The following SLC26A5 variants were observed in gnomAD, a reference collection of about 807,000 sequenced individuals.
The protein encoded by SLC26A5 is solute carrier family 26 member 5.
SLC26A5 carries 51 observed loss-of-function variants against 81.0 expected under a neutral mutation model. The observed-to-expected ratio is 0.63, with a 90% CI of 0.50 to 0.80. The LOEUF (loss-of-function observed/expected upper bound fraction) is 0.80, where lower values mean the gene tolerates loss of function less well. Ranked by LOEUF, SLC26A5 falls within the 30% of genes least tolerant of loss-of-function variation. The pLI, the probability that SLC26A5 is intolerant of heterozygous loss-of-function variation, is 0.00. For synonymous variants in SLC26A5, 325 were observed against 332.8 expected, an observed-to-expected ratio of 0.98 and a Z score of 0.25; for missense variants, 771 against 905.8, an observed-to-expected ratio of 0.85 and a Z score of 1.91.
chr7:103,392,872 G>A (rs779463217), intron 10 of SLC26A5, 47 bp downstream of exon 10: 10 of 1,610,598 alleles, frequency 6.2e-6, no homozygotes, highest in Non-Finnish European at 8.5e-6. Flanking sequence ...CCAGACATTG[G>A]TGATTGTACT....
chr7:103,392,592 T>G (rs553370965), intron 10 of SLC26A5, among the ~76,000 whole-genome samples: 22 of 152,338 alleles, frequency 1.4e-4, no homozygotes, highest in African/African-American at 4.6e-4. Context: ...TTTATTTTTT[T>G]TCTGAGGCAG....
At chr7:103,388,439 G>C (rs1480773597) in intron 14 of SLC26A5, 3 of 172,254 alleles carry the variant, frequency 1.7e-5, no homozygotes, top group Non-Finnish European at 2.5e-5. Context: ...GACCTCAAGT[G>C]TTCCGCCTGC....
chr7:103,401,881 C>A (rs1051316812), intron 8 of SLC26A5, among the ~76,000 whole-genome samples: 1 of 152,182 alleles, frequency 6.6e-6, no homozygotes, highest in Non-Finnish European at 1.5e-5. Context: ...TATGTTGAAC[C>A]AGCCTTGCAT....
chr7:103,373,237 G>C (rs1478513765), downstream of SLC26A5, among the ~76,000 whole-genome samples: 1 of 152,094 alleles, frequency 6.6e-6, no homozygotes, highest in Non-Finnish European at 1.5e-5. Context: ...AATCTAACTG[G>C]ATGATCAGAC....
downstream of SLC26A5, among the ~76,000 whole-genome samples, chr7:103,371,011 GC>G (rs1226486645): frequency 6.6e-6 from 1 of 152,150 alleles, no homozygotes; most frequent in African/African-American, 2.4e-5. Flanking sequence ...AGCTATTAAG[GC>G]CCAGAAAGAA....
chr7:103,379,231 C>G lies in SLC26A5; in HGVS notation c.1677+12G>C. The G allele has an allele frequency of 6.3e-7, 1 of 1,586,576 alleles. No homozygotes were observed. The highest frequency in any genetic ancestry group is 8.7e-7 in the Non-Finnish European group (1 of 1,155,156). Reference sequence around the variant, plus strand: ...TCCCATCCTCAGAAATAATCAATTTCTCATGACTCACCTTTCGTTTTAATG... The same window carrying G: ...TCCCATCCTCAGAAATAATCAATTTGTCATGACTCACCTTTCGTTTTAATG... On this transcript the variant is annotated intron_variant, in intron 16 of 19. Transcript: ENST00000306312.
In SLC26A5 at chr7:103,407,864, A is replaced by G; in HGVS notation, c.875T>C (p.Leu292Ser). ...AAGGTGACTTACCGCAAAGAACTCT[A>G]AAGGAATAGGCGCCGGCAATTTCTC... ...FKEKLPAPIP[L>S]EFFAVVMGTG... The change falls in exon 8 of 20, where the codon TTA becomes TCA. Residue 292 changes from leucine (L) to serine (S), a missense_variant. Leu to Ser is a moderately radical substitution (Grantham distance 145). Coordinates refer to ENST00000306312, the MANE Select transcript of SLC26A5 (RefSeq NM_198999.3). 1 of 1,614,114 alleles carries G rather than the reference A, an allele frequency of 6.2e-7. No individual in the cohort carries two copies.
intron 2 of SLC26A5, among the ~76,000 whole-genome samples, chr7:103,425,196 A>C (rs1352660668): frequency 6.6e-6 from 1 of 152,182 alleles, no homozygotes; most frequent in Admixed American, 6.6e-5. Context: ...CTTCTATTTC[A>C]TTAAGCAGAG....
At chr7:103,402,650 C>T (rs1006336365) in intron 8 of SLC26A5, among the ~76,000 whole-genome samples, 3 of 152,092 alleles carry the variant, frequency 2.0e-5, no homozygotes, top group African/African-American at 7.2e-5. Flanking sequence ...TTGCCTGCCT[C>T]GGCCTCCCAA....
At chr7:103,430,622 T>C (rs182499183) in intron 2 of SLC26A5, among the ~76,000 whole-genome samples, 19 of 78,824 alleles carry the variant, frequency 2.4e-4, no homozygotes, top group Middle Eastern at 7.1e-3. Context: ...GATACTGGAT[T>C]TGAAGTGGCT....
Position 103,367,279 on chromosome 7 carries a change from G to C in SLC26A5, c.2041+9529C>G. On this transcript the variant is annotated intron_variant, in intron 19 of 19. Transcript: ENST00000339444. The surrounding 1 kb of genome is among the most constrained non-coding windows in gnomAD (Gnocchi z 6.1). Reference sequence around the variant, plus strand: ...TTATATAAAGCAAGCTGTTCTTACAGGATTTGCTTCAAAGTGGGATGTCAC... The same window carrying C: ...TTATATAAAGCAAGCTGTTCTTACACGATTTGCTTCAAAGTGGGATGTCAC... The C allele has an allele frequency of 1.4e-6, 1 of 692,842 alleles. No individual in the cohort carries two copies. The highest frequency in any genetic ancestry group is 1.8e-5 in the South Asian group (1 of 54,272). 42.9% of individuals were successfully genotyped at this position (692,842 alleles called of 1,614,324 possible).
Position 103,374,322 on chromosome 7 carries a change from A to G in SLC26A5, c.*77T>C. ...TATTCACCCTTAGAAAAAAAAATCT[A>G]GCGTCTAGTATTTAAAACGTGTAAA... On this transcript the variant is annotated 3_prime_UTR_variant, in exon 20 of 20. Transcript: ENST00000306312. 4.4e-6 allele frequency: 7 copies of G among 1,576,280 alleles called. No homozygotes were observed. The highest frequency in any genetic ancestry group is 6.0e-6 in the Non-Finnish European group (7 of 1,162,132).
intron 19 of SLC26A5, chr7:103,361,863 C>A (rs1820434113): frequency 1.6e-6 from 2 of 1,252,876 alleles, no homozygotes; most frequent in Non-Finnish European, 1.1e-6. Flanking sequence ...TAGTTTATAC[C>A]TGTATATTGC....
chr7:103,413,939 G>C (rs1365765918), intron 4 of SLC26A5, among the ~76,000 whole-genome samples: 1 of 150,542 alleles, frequency 6.6e-6, no homozygotes, highest in East Asian at 2.0e-4. Flanking sequence ...TCCCCCACCA[G>C]AGTGGCACAT....
At chr7:103,366,331 G>A (rs1351243615) in intron 19 of SLC26A5, among the ~76,000 whole-genome samples, 1 of 152,122 alleles carries the variant, frequency 6.6e-6, no homozygotes, top group Non-Finnish European at 1.5e-5. Flanking sequence ...AACTATAAAG[G>A]CAAGAAGACA....
intron 19 of SLC26A5, chr7:103,354,863 C>T (rs762489538): frequency 1.2e-6 from 2 of 1,601,046 alleles, no homozygotes; most frequent in Non-Finnish European, 1.7e-6. Context: ...ACCTTCATCA[C>T]CTAGGGTCAG....
chr7:103,403,627 C>T (rs899627873), intron 8 of SLC26A5, among the ~76,000 whole-genome samples: 1 of 151,468 alleles, frequency 6.6e-6, no homozygotes, highest in Non-Finnish European at 1.5e-5. Context: ...TTATGTAATG[C>T]CCTTGTCTTT....
rs10549297 is a variant in SLC26A5, at chr7:103,393,567, C to CTGTG, written c.972-505_972-502dup. ...AGGACTCTGAGTGTGCTACCTCTTCCTGTGTGTGTGTGTGTGTGTGTGTGT... is the reference window on the plus strand; with the variant it reads ...AGGACTCTGAGTGTGCTACCTCTTCCTGTGTGTGTGTGTGTGTGTGTGTGTGTGT... On this transcript the variant is annotated intron_variant, in intron 9 of 19. Transcript: ENST00000306312. 2.5e-3 allele frequency among the ~76,000 whole-genome samples: 367 copies of CTGTG among 147,876 alleles called. 1 individual carries two copies. Among genetic ancestry groups the CTGTG allele is most frequent in the African/African-American group, 8.6e-3 (349 of 40,382 alleles).
intron 4 of SLC26A5, among the ~76,000 whole-genome samples, chr7:103,420,175 A>G (rs1026890262): frequency 1.3e-5 from 2 of 152,170 alleles, no homozygotes; most frequent in Non-Finnish European, 2.9e-5. Context: ...AACAACAACC[A>G]TAACAACAAA....
Sources: allele counts gnomAD v4.1 joint callset (sites outside exome capture counted in the v4.1 genomes callset), GRCh38; gene constraint gnomAD v4.1.1; non-coding constraint Gnocchi (gnomAD v3.1); transcripts MANE v1.5; gene names NCBI Gene and HGNC (gene_info 2026-07-23, HGNC 2026-07-21).